The following SDF2 variants were observed in gnomAD, a reference collection of about 807,000 sequenced individuals.
SDF2 encodes stromal cell-derived factor 2.
Under a neutral mutation model 20.5 loss-of-function variants are expected in SDF2, and 12 were observed. The observed-to-expected ratio is 0.58, with a 90% CI of 0.37 to 0.95. The LOEUF (loss-of-function observed/expected upper bound fraction) is 0.95. Ranked by LOEUF, SDF2 falls within the 40% of genes least tolerant of loss-of-function variation. The pLI, the probability that SDF2 is intolerant of heterozygous loss-of-function variation, is 0.01. For missense variants in SDF2, 238 were observed against 263.1 expected, an observed-to-expected ratio of 0.90 and a Z score of 0.66; for synonymous variants, 100 against 101.0, an observed-to-expected ratio of 0.99 and a Z score of 0.06.
chr17:28,652,227 TGTA>T (rs1356909356), intron 2 of SDF2, among the ~76,000 whole-genome samples: 2 of 152,078 alleles, frequency 1.3e-5, no homozygotes, highest in African/African-American at 4.8e-5. Context: ...ACTTAATATA[TGTA>T]GATACAGATG....
rs1186706888 is a variant in SDF2, at chr17:28,648,507, A to G, written c.*482T>C. On this transcript the variant is annotated 3_prime_UTR_variant, in exon 3 of 3. Coordinates refer to ENST00000247020, the MANE Select transcript of SDF2 (RefSeq NM_006923.4). ...TTAAAAGGGCCCACATTGGAGCTTC[A>G]TAGCGTCTCCAAAGAGTCTTAGGAC... 6.3e-6 allele frequency: 1 copy of G among 159,510 alleles called. No homozygotes were observed. Among genetic ancestry groups the G allele is most frequent in the Non-Finnish European group, 1.4e-5 (1 of 72,248 alleles). The allele number at this position is 159,510 out of a possible 1,614,324, so 9.9% of individuals were successfully genotyped here.
At chr17:28,652,151 C>T (rs2071919359) in intron 2 of SDF2, among the ~76,000 whole-genome samples, 1 of 151,390 alleles carries the variant, frequency 6.6e-6, no homozygotes, top group Admixed American at 6.6e-5. Flanking sequence ...CACTGCACTC[C>T]AGCCTGAATA....
chr17:28,661,684 C>T (rs751540398), intron 1 of SDF2, 42 bp downstream of exon 1: 5 of 1,593,442 alleles, frequency 3.1e-6, no homozygotes, highest in African/African-American at 2.7e-5. Flanking sequence ...CCAGAGCCTC[C>T]GAGTCCTCCC....
rs538427389 is a variant in SDF2, at chr17:28,661,764, T to C, written c.113A>G (p.Asn38Ser). The C allele has an allele frequency of 1.9e-6, 3 of 1,613,978 alleles. No homozygotes were observed. The highest frequency in any genetic ancestry group is 1.3e-5 in the African/African-American group (1 of 74,958). The change falls in exon 1 of 3, where the codon AAC (asparagine) becomes AGC (serine). Residue 38 changes from asparagine (N) to serine (S), a missense_variant. Asn to Ser is a conservative substitution (Grantham distance 46). Coordinates refer to ENST00000247020, the MANE Select transcript of SDF2 (RefSeq NM_006923.4). ...SVVKLLNTRH[N>S]VRLHSHDVRY... ...CACGTCGTGTGAGTGCAGTCGGACG[T>C]TGTGGCGCGTATTGAGTAGCTTCAC...
At chr17:28,652,965 A>G (rs775820939) in intron 2 of SDF2, among the ~76,000 whole-genome samples, 1 of 152,254 alleles carries the variant, frequency 6.6e-6, no homozygotes, top group African/African-American at 2.4e-5. Flanking sequence ...TAAACTATCC[A>G]TAAGTTTATA....
chr17:28,649,127 A>G lies in SDF2; in HGVS notation c.498T>C (p.Tyr166=), dbSNP rs780714866. 19 of 1,614,098 alleles carry G rather than the reference A, an allele frequency of 1.2e-5. No individual in the cohort carries two copies. The highest frequency in any genetic ancestry group is 1.4e-5 in the Non-Finnish European group (17 of 1,180,048). The change falls in exon 3 of 3, where the codon TAT becomes TAC. Residue 166 remains tyrosine (Y), a synonymous_variant. Coordinates refer to ENST00000247020, the MANE Select transcript of SDF2 (RefSeq NM_006923.4). ...CTTTTTGCCCACTGATAGGTCGACC[A>G]TATTGTTCTCCTGTGACAGACAGCA... The part of the protein sequence containing the change: ...EVLLSVTGEQ[Y]GRPISGQKEV...
chr17:28,654,098 C>T (rs926282234), intron 2 of SDF2, among the ~76,000 whole-genome samples: 1 of 151,866 alleles, frequency 6.6e-6, no homozygotes, highest in African/African-American at 2.4e-5. Flanking sequence ...ATAGCTTGAG[C>T]TCAGGAGTTT....
chr17:28,661,922 C>T (rs1310491195), upstream of SDF2: 3 of 1,581,664 alleles, frequency 1.9e-6, no homozygotes, highest in South Asian at 2.2e-5. Flanking sequence ...AAACTCGGCC[C>T]CTCCCCGGAA....
intron 1 of SDF2, 101 bp downstream of exon 1, chr17:28,661,625 C>G: frequency 7.5e-7 from 1 of 1,330,398 alleles, no homozygotes; most frequent in Non-Finnish European, 1.0e-6. Context: ...CCAGGGAACC[C>G]CTAACTTTCC....
chr17:28,651,538 C>A (rs1027372564), intron 2 of SDF2: 3 of 152,198 alleles, frequency 2.0e-5, no homozygotes, highest in African/African-American at 7.2e-5. Flanking sequence ...CCTTTGTTTT[C>A]TCCTCTATAA....
chr17:28,654,062 G>A (rs1163571720), intron 2 of SDF2, among the ~76,000 whole-genome samples: 4 of 152,266 alleles, frequency 2.6e-5, no homozygotes, highest in Non-Finnish European at 5.9e-5. Context: ...TGTAATCCCA[G>A]CACTTTGGGA....
chr17:28,654,318 C>G (rs1283569055), intron 2 of SDF2, among the ~76,000 whole-genome samples: 6 of 149,058 alleles, frequency 4.0e-5, no homozygotes, highest in Non-Finnish European at 8.9e-5. Flanking sequence ...GACACAAAAG[C>G]AAATCTATTT....
chr17:28,654,371 C>A (rs1196363530), intron 2 of SDF2, among the ~76,000 whole-genome samples: 1 of 151,314 alleles, frequency 6.6e-6, no homozygotes, highest in East Asian at 1.9e-4. Context: ...AAAAAAAACA[C>A]TGCAAGTTGG....
chr17:28,650,059 T>C (rs568205552), intron 2 of SDF2, among the ~76,000 whole-genome samples: 1 of 152,182 alleles, frequency 6.6e-6, no homozygotes, highest in East Asian at 1.9e-4. Context: ...TTCAAGTGAT[T>C]TTCCTGCCTC....
chr17:28,657,210 G>A (rs2071971215), intron 1 of SDF2, among the ~76,000 whole-genome samples: 1 of 152,102 alleles, frequency 6.6e-6, no homozygotes, highest in African/African-American at 2.4e-5. Context: ...CTAGGTGGCA[G>A]GGCAAGACTC....
intron 2 of SDF2, among the ~76,000 whole-genome samples, 161 bp from the exon 3 acceptor site, chr17:28,649,437 T>C (rs746678954): frequency 3.3e-5 from 5 of 152,122 alleles, no homozygotes; most frequent in Admixed American, 1.3e-4. Context: ...GCAGGGCAGA[T>C]CACTTGAGCC....
intron 2 of SDF2, 34 bp from the exon 3 acceptor site, chr17:28,649,310 G>A: frequency 1.9e-6 from 3 of 1,598,640 alleles, no homozygotes; most frequent in Non-Finnish European, 2.6e-6. Flanking sequence ...CATCAGCATG[G>A]CTGACAAGGG....
intron 2 of SDF2, among the ~76,000 whole-genome samples, chr17:28,649,734 CAA>C (rs1183683101): frequency 4.9e-5 from 3 of 61,262 alleles, no homozygotes; most frequent in East Asian, 4.8e-4. Context: ...AACTCTGTCT[CAA>C]AAAAAAAAAA....
At chr17:28,661,928 C>A, upstream of SDF2, 1 of 1,575,052 alleles carries the variant, frequency 6.3e-7, no homozygotes, top group Non-Finnish European at 8.7e-7. Context: ...GGCCCCTCCC[C>A]GGAACCGGAA....
Sources: allele counts gnomAD v4.1 joint callset (sites outside exome capture counted in the v4.1 genomes callset), GRCh38; gene constraint gnomAD v4.1.1; transcripts MANE v1.5; gene names NCBI Gene and HGNC (gene_info 2026-07-23, HGNC 2026-07-21).